Variants in HACD4 observed in about 807,000 individuals in gnomAD.
HACD4 encodes 3-hydroxyacyl-CoA dehydratase 4.
Under a neutral mutation model 33.3 loss-of-function variants are expected in HACD4, and 35 were observed. That is an observed-to-expected ratio of 1.05 (90% CI 0.80 to 1.39). The LOEUF is 1.39. Among genes scored for constraint, HACD4 ranks in the 40% most tolerant of loss-of-function variants. The pLI, the probability that HACD4 is intolerant of heterozygous loss-of-function variation, is 0.00. For synonymous variants in HACD4, 118 were observed against 98.0 expected (o/e 1.20, Z -1.21); for missense variants, 323 against 276.5 (o/e 1.17, Z -1.19).
chr9:21,016,543 G>A (rs114031310), intron 3 of HACD4, among the ~76,000 whole-genome samples: 1,846 of 152,268 alleles, frequency 0.012, 33 homozygotes, highest in African/African-American at 0.039. Flanking sequence ...GAGTTTGTCA[G>A]GTAGACTGGG....
intron 3 of HACD4, among the ~76,000 whole-genome samples, chr9:21,018,530 C>T (rs1817820134): frequency 6.6e-6 from 1 of 152,088 alleles, no homozygotes; most frequent in Non-Finnish European, 1.5e-5. Flanking sequence ...TTCTTAACAC[C>T]AAAACAATTT....
chr9:21,015,374 A>G (rs1349604248), intron 4 of HACD4: 1 of 152,390 alleles, frequency 6.6e-6, no homozygotes, highest in African/African-American at 2.4e-5. Context: ...CCACTTGTAG[A>G]GGTAAGACTA....
At position 21,005,885 on chromosome 9, in the gene HACD4, GGA is replaced by G. The variant is rs1331636158; in HGVS notation, c.*1150_*1151del. 6.6e-6 allele frequency: 1 copy of G among 152,350 alleles called. No homozygotes were observed. The highest frequency in any genetic ancestry group is 1.5e-5 in the Non-Finnish European group (1 of 68,056). 9.4% of individuals were successfully genotyped at this position (152,350 alleles called of 1,614,324 possible). The stretch of plus-strand genomic sequence containing the variant: ...TTTCCTGTTTCTTGCTTTGGGAATA[GGA>G]ATGTCCACCCTTTGTGTGTCCCACC... On this transcript the variant is annotated 3_prime_UTR_variant, in exon 7 of 7. Transcript: ENST00000495827. The surrounding 1 kb of genome is among the most constrained non-coding windows in gnomAD (Gnocchi z 4.0).
At chr9:21,011,547 G>A (rs761153975) in intron 5 of HACD4, 42 bp downstream of exon 5, 2 of 1,189,782 alleles carry the variant, frequency 1.7e-6, no homozygotes, top group Admixed American at 3.6e-5. Flanking sequence ...TAACTAGATG[G>A]CTTTTGTCAG....
At chr9:21,025,108 T>C (rs1257319150) in intron 3 of HACD4, among the ~76,000 whole-genome samples, 2 of 152,190 alleles carry the variant, frequency 1.3e-5, no homozygotes, top group Non-Finnish European at 2.9e-5. Context: ...GGGAATTCCA[T>C]CTAGGTCTTA....
At position 21,026,650 on chromosome 9, in the gene HACD4, C is replaced by T. The variant is rs1818068057; in HGVS notation, c.216G>A (p.Leu72=). Residue 72 remains leucine, a synonymous_variant, in exon 3 of 7, where the codon CTG becomes CTA. Transcript: ENST00000495827. ...ACTCAATGCCAACATATATGTGCAG[C>T]AGTTCCAGGAGAGATACGGATTGGC... ...RLCQSVSLLE[L]LHIYVGIESN... is the part of the protein sequence containing the mutation. The T allele has an allele frequency of 6.2e-7, 1 of 1,613,302 alleles. No homozygotes were observed. Among genetic ancestry groups the T allele is most frequent in the African/African-American group, 1.3e-5 (1 of 74,906 alleles).
At chr9:21,029,470 T>G (rs1818151407) in intron 1 of HACD4, 72 bp from the exon 2 acceptor site, 13 of 934,046 alleles carry the variant, frequency 1.4e-5, no homozygotes, top group Non-Finnish European at 2.1e-5. Context: ...ACATGCCCTT[T>G]AATGTACTGG....
At chr9:21,016,706 G>A (rs1323712415) in intron 3 of HACD4, among the ~76,000 whole-genome samples, 1 of 137,998 alleles carries the variant, frequency 7.2e-6, no homozygotes, top group Admixed American at 7.1e-5. Context: ...TTGAAAACAT[G>A]TTTGGAGGTG....
At chr9:21,008,798 T>A (rs1842337791) in intron 5 of HACD4, among the ~76,000 whole-genome samples, 1 of 152,164 alleles carries the variant, frequency 6.6e-6, no homozygotes, top group Admixed American at 6.5e-5. Context: ...AATGTTAATA[T>A]GCTAACATGA....
rs1842137946 is a variant in HACD4 at position 20,999,704 on chromosome 9, T to C, written c.*7333A>G. ...TTAAGCCGATAGATTTCTTGAAATA[T>C]ATTTCTAGATGTAGTAGTGGCGTTC... On this transcript the variant is annotated 3_prime_UTR_variant, in exon 7 of 7. Coordinates refer to ENST00000495827, the MANE Select transcript of HACD4 (RefSeq NM_001010915.5). 1 of 152,190 alleles carries C rather than the reference T, an allele frequency of 6.6e-6. No homozygotes were observed. The highest frequency in any genetic ancestry group is 2.4e-5 in the African/African-American group (1 of 41,460). 9.4% of individuals were successfully genotyped at this position (152,190 alleles called of 1,614,324 possible).
chr9:21,015,185 GA>G (rs1842527611), intron 4 of HACD4: 1 of 152,092 alleles, frequency 6.6e-6, no homozygotes, highest in Non-Finnish European at 1.5e-5. Context: ...ACAATATAAT[GA>G]AAAAATTTAC....
intron 3 of HACD4, among the ~76,000 whole-genome samples, chr9:21,023,196 T>C (rs565243231): frequency 2.5e-4 from 29 of 115,752 alleles, no homozygotes; most frequent in Admixed American, 2.3e-3. Context: ...GGAAGGGGAA[T>C]ATCACACACA....
rs1842319105 is a variant in HACD4 at position 21,008,208 on chromosome 9, A to G, written c.491-62T>C. On this transcript the variant is annotated intron_variant, in intron 5 of 6. Coordinates refer to ENST00000495827, the MANE Select transcript of HACD4 (RefSeq NM_001010915.5). ...CTTAAGTTGTTACAGGGATGTGTAT[A>G]TATGTCTTCATAGTTGTAGGATATT... 12 of 1,332,114 alleles carry G rather than the reference A, an allele frequency of 9.0e-6. No homozygotes were observed. The East Asian group carries it at 1.8e-4, about 20-fold the overall frequency. 82.5% of individuals were successfully genotyped at this position (1,332,114 alleles called of 1,614,324 possible). A position where few individuals can be genotyped will look rare whatever the true frequency, so the allele number is the denominator to read the frequency against.
intron 5 of HACD4, 26 bp downstream of exon 5, chr9:21,011,563 A>G (rs766784810): frequency 2.2e-6 from 3 of 1,357,814 alleles, no homozygotes. Flanking sequence ...GTCAGTAAGC[A>G]ATACAGCAAG....
At chr9:21,008,305 TG>T (rs1325381848) in intron 5 of HACD4, among the ~76,000 whole-genome samples, 159 bp from the exon 6 acceptor site, 1 of 152,184 alleles carries the variant, frequency 6.6e-6, no homozygotes, top group Non-Finnish European at 1.5e-5. Flanking sequence ...TATAGAAATC[TG>T]TGAAATGATT....
chr9:21,006,938 A>C lies in HACD4; in HGVS notation c.*99T>G, dbSNP rs772194700. The C allele has an allele frequency of 6.2e-5, 48 of 778,848 alleles. No individual in the cohort carries two copies. Among genetic ancestry groups the C allele is most frequent in the Admixed American group, 2.1e-4 (11 of 53,382 alleles). 48.2% of individuals were successfully genotyped at this position (778,848 alleles called of 1,614,324 possible). A position where few individuals can be genotyped will look rare whatever the true frequency, so the allele number is the denominator to read the frequency against. On this transcript the variant is annotated 3_prime_UTR_variant, in exon 7 of 7. Transcript: ENST00000495827. The surrounding 1 kb of genome is among the most constrained non-coding windows in gnomAD (Gnocchi z 4.6). ...TTATTTCATGTAATGGATTTTTATCAAATACAAGGTATTTTTCCACCAGAA... is the reference window on the plus strand; with the variant it reads ...TTATTTCATGTAATGGATTTTTATCCAATACAAGGTATTTTTCCACCAGAA...
intron 5 of HACD4, 152 bp from the exon 6 acceptor site, chr9:21,008,298 A>T (rs935599601): frequency 1.5e-6 from 1 of 653,232 alleles, no homozygotes; most frequent in African/African-American, 1.9e-5. Flanking sequence ...AGTTTAATAT[A>T]GAAATCTGTG....
At chr9:21,019,763 T>C (rs1325486378) in intron 3 of HACD4, among the ~76,000 whole-genome samples, 1 of 152,080 alleles carries the variant, frequency 6.6e-6, no homozygotes, top group East Asian at 1.9e-4. Flanking sequence ...ATTTGGAGAA[T>C]GTTACAACTC....
At chr9:21,008,266 G>T in intron 5 of HACD4, 120 bp from the exon 6 acceptor site, 3 of 899,144 alleles carry the variant, frequency 3.3e-6, no homozygotes, top group Non-Finnish European at 4.8e-6. Flanking sequence ...TGTAATAGTT[G>T]CTGAATCTTT....
Sources: allele counts gnomAD v4.1 joint callset (sites outside exome capture counted in the v4.1 genomes callset), GRCh38; gene constraint gnomAD v4.1.1; non-coding constraint Gnocchi (gnomAD v3.1); transcripts MANE v1.5; gene names NCBI Gene and HGNC (gene_info 2026-07-23, HGNC 2026-07-21).